Variants in ITGBL1 observed in about 807,000 individuals in gnomAD.
The protein encoded by ITGBL1 is integrin subunit beta like 1, also known as integrin beta-like protein 1.
In ITGBL1, 51 loss-of-function variants were observed where a neutral mutation model predicts 68.5. The ratio of observed to expected loss-of-function variants is 0.74; its 90% confidence interval spans 0.59 to 0.94. ITGBL1 has a LOEUF of 0.94. Among genes scored for constraint, ITGBL1 ranks in the 40% least tolerant of loss-of-function variants. The probability of loss-of-function intolerance (pLI) is 0.00; values close to 1 mark genes in which losing one functional copy is unlikely to be tolerated. For synonymous variants in ITGBL1, 209 were observed against 227.3 expected, an observed-to-expected ratio of 0.92 and a Z score of 0.72; for missense variants, 649 against 647.4, an observed-to-expected ratio of 1.00 and a Z score of -0.03.
chr13:101,706,928 C>T, intron 9 of ITGBL1, 26 bp downstream of exon 9: 2 of 1,606,288 alleles, frequency 1.2e-6, no homozygotes, highest in Non-Finnish European at 1.7e-6. Flanking sequence ...GGTGCCTGGA[C>T]TCCATTCCTG....
chr13:101,662,041 T>A (rs975913175), intron 7 of ITGBL1, among the ~76,000 whole-genome samples: 28 of 152,306 alleles, frequency 1.8e-4, no homozygotes, highest in African/African-American at 6.7e-4. Context: ...ATAGAGCTTA[T>A]CATTGTTTAA....
chr13:101,603,208 C>A (rs2030495409), intron 7 of ITGBL1, among the ~76,000 whole-genome samples: 1 of 151,874 alleles, frequency 6.6e-6, no homozygotes, highest in Non-Finnish European at 1.5e-5. Context: ...TGTGGAGTTT[C>A]CAGTTTGTCC....
At chr13:101,454,738 C>T (rs1455140765) in intron 2 of ITGBL1, among the ~76,000 whole-genome samples, 1 of 152,090 alleles carries the variant, frequency 6.6e-6, no homozygotes, top group East Asian at 1.9e-4. Context: ...CTGATTTGCC[C>T]TCTCATTATT....
At chr13:101,493,959 T>C (rs555092549) in intron 2 of ITGBL1, among the ~76,000 whole-genome samples, 1 of 152,372 alleles carries the variant, frequency 6.6e-6, no homozygotes, top group African/African-American at 2.4e-5. Flanking sequence ...ATTCTATTTC[T>C]TTGTACTTAA....
intron 7 of ITGBL1, among the ~76,000 whole-genome samples, chr13:101,662,499 C>G (rs938258101): frequency 2.0e-5 from 3 of 152,130 alleles, no homozygotes; most frequent in Admixed American, 6.6e-5. Flanking sequence ...TCAAATTCCT[C>G]TATTTTCTGA....
At chr13:101,651,041 C>G (rs2032734012) in intron 7 of ITGBL1, among the ~76,000 whole-genome samples, 1 of 152,132 alleles carries the variant, frequency 6.6e-6, no homozygotes, top group Admixed American at 6.5e-5. Flanking sequence ...TTTCTTTAGT[C>G]TATCATTGAT....
intron 9 of ITGBL1, among the ~76,000 whole-genome samples, chr13:101,707,870 A>G (rs2034297021): frequency 6.6e-6 from 1 of 151,820 alleles, no homozygotes; most frequent in African/African-American, 2.4e-5. Flanking sequence ...AAAAAAAAAA[A>G]AAGGTAATAA....
chr13:101,458,619 G>A lies in ITGBL1; in HGVS notation c.316+4519G>A, dbSNP rs552404361. Among the ~76,000 whole-genome samples the A allele has an allele frequency of 1.9e-3, 289 of 151,488 alleles. 1 individual carries two copies. The highest frequency in any genetic ancestry group is 6.8e-3 in the African/African-American group (278 of 40,870). ...GTTCTAGGGAGCCTCCCCCACCAGTGGATACCAAGGATGTTCCAGTCTCTC... is the reference window on the plus strand; with the variant it reads ...GTTCTAGGGAGCCTCCCCCACCAGTAGATACCAAGGATGTTCCAGTCTCTC... On this transcript the variant is annotated intron_variant, in intron 2 of 10. Transcript: ENST00000376180.
intron 2 of ITGBL1, among the ~76,000 whole-genome samples, chr13:101,562,892 C>G (rs2050123032): frequency 6.6e-6 from 1 of 151,666 alleles, no homozygotes; most frequent in Non-Finnish European, 1.5e-5. Context: ...AGATCATCTT[C>G]TGGGTCATAA....
chr13:101,465,428 C>G (rs946780784), intron 2 of ITGBL1, among the ~76,000 whole-genome samples: 1 of 152,034 alleles, frequency 6.6e-6, no homozygotes, highest in African/African-American at 2.4e-5. Flanking sequence ...ATAATAGCTG[C>G]TTGTATTATT....
At chr13:101,590,075 C>T (rs954686279) in intron 6 of ITGBL1, among the ~76,000 whole-genome samples, 2 of 151,968 alleles carry the variant, frequency 1.3e-5, no homozygotes, top group African/African-American at 2.4e-5. Context: ...GGTGAAAGAC[C>T]GCCAAAGATT....
chr13:101,534,845 C>A (rs1443091670), intron 2 of ITGBL1, among the ~76,000 whole-genome samples: 3 of 151,954 alleles, frequency 2.0e-5, no homozygotes, highest in Non-Finnish European at 4.4e-5. Context: ...AATTTTTTTC[C>A]AGCAGTAATT....
chr13:101,655,266 A>G (rs4772404), intron 7 of ITGBL1, among the ~76,000 whole-genome samples: 100,638 of 152,040 alleles, frequency 0.66, 33,446 homozygotes, highest in Middle Eastern at 0.74. Flanking sequence ...CACAGAATGG[A>G]TGTTTTGTTT....
chr13:101,697,732 C>T (rs2034036129), intron 8 of ITGBL1, among the ~76,000 whole-genome samples: 3 of 152,112 alleles, frequency 2.0e-5, no homozygotes, highest in Admixed American at 2.0e-4. Flanking sequence ...ATCCATTTGG[C>T]TTTATGGAAA....
At chr13:101,643,494 G>A (rs11842982) in intron 7 of ITGBL1, among the ~76,000 whole-genome samples, 19,940 of 151,820 alleles carry the variant, frequency 0.13, 1,913 homozygotes, top group African/African-American at 0.28. Context: ...TAGATATACA[G>A]TCATGTCATC....
At chr13:101,509,006 G>A (rs1274464781) in intron 2 of ITGBL1, among the ~76,000 whole-genome samples, 1 of 152,058 alleles carries the variant, frequency 6.6e-6, no homozygotes, top group Admixed American at 6.6e-5. Flanking sequence ...GAAAAGAAAA[G>A]TAAAGCTTTC....
chr13:101,713,277 A>C (rs1039850054), intron 9 of ITGBL1: 4 of 152,158 alleles, frequency 2.6e-5, no homozygotes, highest in Non-Finnish European at 4.4e-5. Context: ...GATCACTTTA[A>C]TCACCCAGGC....
At chr13:101,501,096 T>C (rs1263217887) in intron 2 of ITGBL1, among the ~76,000 whole-genome samples, 1 of 152,068 alleles carries the variant, frequency 6.6e-6, no homozygotes, top group Non-Finnish European at 1.5e-5. Context: ...ATGGGTAGAG[T>C]TTAGTTTGAT....
intron 7 of ITGBL1, among the ~76,000 whole-genome samples, chr13:101,653,211 AAAGG>A (rs1185774295): frequency 6.7e-6 from 1 of 149,348 alleles, no homozygotes; most frequent in Non-Finnish European, 1.5e-5. Context: ...AGGAAAGGAG[AAAGG>A]AAGGAAGGAA....
Sources: allele counts gnomAD v4.1 joint callset (sites outside exome capture counted in the v4.1 genomes callset), GRCh38; gene constraint gnomAD v4.1.1; transcripts MANE v1.5; gene names NCBI Gene and HGNC (gene_info 2026-07-23, HGNC 2026-07-21).